Variants in AR observed in about 807,000 individuals in gnomAD.
AR encodes androgen receptor.
Under a neutral mutation model 53.9 loss-of-function variants are expected in AR, and 8 were observed. The ratio of observed to expected loss-of-function variants is 0.15; its 90% confidence interval spans 0.09 to 0.27. The LOEUF is 0.27. AR is among the 10% of genes least tolerant of loss of function. AR has a pLI of 1.00. For missense variants in AR, 639 were observed against 742.5 expected, an observed-to-expected ratio of 0.86 and a Z score of 1.62; for synonymous variants, 359 against 316.4, an observed-to-expected ratio of 1.13 and a Z score of -1.43.
At chrX:67,567,130 C>T (rs1269314309) in intron 1 of AR, among the ~76,000 whole-genome samples, 1 of 111,304 alleles carries the variant, frequency 9.0e-6, no homozygotes, top group African/African-American at 3.3e-5. Flanking sequence ...CAGCCAAAGC[C>T]TCTTGCCTCC....
At chrX:67,687,796 C>G (rs1203250236) in intron 3 of AR, among the ~76,000 whole-genome samples, 1 of 112,175 alleles carries the variant, frequency 8.9e-6, no homozygotes, top group African/African-American at 3.2e-5. Context: ...ATATGAATTG[C>G]AAGTCCACTT....
At chrX:67,695,173 C>G in intron 3 of AR, 1 of 757,201 alleles carries the variant, frequency 1.3e-6, no homozygotes, top group Non-Finnish European at 1.6e-6. Flanking sequence ...GGACAAGAAG[C>G]AACTGTGTCT....
At chrX:67,653,394 A>C (rs770383743) in intron 2 of AR, among the ~76,000 whole-genome samples, 1 of 111,656 alleles carries the variant, frequency 9.0e-6, no homozygotes, top group African/African-American at 3.3e-5. Flanking sequence ...GTATGAGAGA[A>C]TGATTTATTT....
At chrX:67,720,608 A>G (rs2076131724) in intron 5 of AR, among the ~76,000 whole-genome samples, 1 of 111,297 alleles carries the variant, frequency 9.0e-6, no homozygotes, top group Non-Finnish European at 1.9e-5. Flanking sequence ...TCCTCTTTCT[A>G]GTTGGGCTTC....
intron 1 of AR, among the ~76,000 whole-genome samples, chrX:67,627,474 G>T (rs1924743861): frequency 9.0e-6 from 1 of 111,423 alleles, no homozygotes. Flanking sequence ...TTTTTGATGG[G>T]GTCGTTTGTT....
intron 1 of AR, among the ~76,000 whole-genome samples, chrX:67,547,395 G>A (rs1929808222): frequency 9.0e-6 from 1 of 111,718 alleles, no homozygotes. Flanking sequence ...AATCCAAACC[G>A]TCATGTTTAG....
At chrX:67,630,435 G>C (rs1477622392) in intron 1 of AR, among the ~76,000 whole-genome samples, 3 of 111,072 alleles carry the variant, frequency 2.7e-5, no homozygotes, top group Non-Finnish European at 5.7e-5. Flanking sequence ...TTTAAAGTCT[G>C]TTTTATCAGA....
intron 1 of AR, among the ~76,000 whole-genome samples, chrX:67,626,346 A>T (rs1042081661): frequency 1.0e-4 from 11 of 108,369 alleles, no homozygotes; most frequent in Non-Finnish European, 2.1e-4. Context: ...ATGTCAGAAC[A>T]TGTAAAGTTT....
chrX:67,653,266 T>C (rs1301850952), intron 2 of AR, among the ~76,000 whole-genome samples: 1 of 112,172 alleles, frequency 8.9e-6, no homozygotes, highest in East Asian at 2.8e-4. Flanking sequence ...ACAGAAGAGT[T>C]GAGTGATTTG....
At position 67,708,410 on chromosome X, in the gene AR, T is replaced by C. The variant is rs138338256; in HGVS notation, c.1886-2992T>C. ...CATTCATTTGATCTTCAATCACTGA[T>C]ACCCTTTTTTCCAGTTGATCGAATC... is the stretch of plus-strand genomic sequence containing the variant. On this transcript the variant is annotated intron_variant, in intron 3 of 7. Transcript: ENST00000374690. Among the ~76,000 whole-genome samples the C allele has an allele frequency of 2.5e-3, 281 of 112,086 alleles. 1 individual carries two copies. Among genetic ancestry groups the C allele is most frequent in the African/African-American group, 8.1e-3 (250 of 30,840 alleles).
chrX:67,700,150 C>T (rs1393780119), intron 3 of AR, among the ~76,000 whole-genome samples: 5 of 111,608 alleles, frequency 4.5e-5, no homozygotes, highest in African/African-American at 6.5e-5. Context: ...CTTGTCACTG[C>T]TCTGACCCAA....
At chrX:67,654,196 A>G (rs1321944589) in intron 2 of AR, among the ~76,000 whole-genome samples, 9 of 111,339 alleles carry the variant, frequency 8.1e-5, no homozygotes, top group African/African-American at 2.0e-4. Flanking sequence ...TAAGAACTAA[A>G]TGATGTGTAA....
Position 67,683,949 on chromosome X carries a change from T to A in AR, c.1769-2061T>A, listed in dbSNP as rs754606585. Among the ~76,000 whole-genome samples the A allele has an allele frequency of 7.2e-5, 8 of 111,570 alleles. No individual in the cohort carries two copies. In the South Asian group the frequency reaches 3.0e-3, roughly 42 times the overall value. On this transcript the variant is annotated intron_variant, in intron 2 of 7. Coordinates refer to ENST00000374690, the MANE Select transcript of AR (RefSeq NM_000044.6). ...GAGTGATTCTCTTTCAGAAGGGCAA[T>A]CTAGAACTATTATGGGAGCCATATT...
chrX:67,655,430 TTTTC>T lies in AR; in HGVS notation c.1768+12027_1768+12030del, dbSNP rs761336200. ...TGTAGCCCATGTCACTTGGAAAGAG[TTTTC>T]TTTGTCTCTTTTGCAACTTGACAAT... On this transcript the variant is annotated intron_variant, in intron 2 of 7. Transcript: ENST00000374690. Among the ~76,000 whole-genome samples the T allele has an allele frequency of 1.2e-3, 129 of 110,659 alleles. 1 individual carries two copies. The highest frequency in any genetic ancestry group is 4.2e-3 in the African/African-American group (126 of 30,354).
intron 1 of AR, among the ~76,000 whole-genome samples, chrX:67,626,705 T>C (rs1322277572): frequency 2.0e-5 from 2 of 101,479 alleles, no homozygotes; most frequent in African/African-American, 7.2e-5. Context: ...TATGTATACA[T>C]GTGCCATGCA....
chrX:67,687,060 C>A (rs2075970728), intron 3 of AR, among the ~76,000 whole-genome samples: 1 of 111,877 alleles, frequency 8.9e-6, no homozygotes, highest in Non-Finnish European at 1.9e-5. Context: ...TGAAGAAAGG[C>A]AAGCCTATTT....
chrX:67,686,176 C>G (rs2075965883), intron 3 of AR, 50 bp downstream of exon 3: 1 of 1,129,716 alleles, frequency 8.9e-7, no homozygotes, highest in Non-Finnish European at 1.2e-6. Context: ...CCCCCTTCTC[C>G]CTCATTTTCT....
intron 2 of AR, among the ~76,000 whole-genome samples, chrX:67,674,440 C>A (rs1354906921): frequency 9.0e-6 from 1 of 111,113 alleles, no homozygotes; most frequent in Non-Finnish European, 1.9e-5. Context: ...ATGAGTTCCT[C>A]AAGCAGGTCC....
intron 3 of AR, among the ~76,000 whole-genome samples, chrX:67,707,757 G>T (rs762984152): frequency 2.9e-4 from 33 of 111,963 alleles, no homozygotes; most frequent in Non-Finnish European, 5.8e-4. Context: ...TTACAATTTG[G>T]CATGTTTTTG....
Sources: allele counts gnomAD v4.1 joint callset (sites outside exome capture counted in the v4.1 genomes callset), GRCh38; gene constraint gnomAD v4.1.1; transcripts MANE v1.5; gene names NCBI Gene and HGNC (gene_info 2026-07-23, HGNC 2026-07-21).